Variants in STAU1 observed in about 807,000 individuals in gnomAD.
STAU1 encodes the protein double-stranded RNA-binding protein Staufen homolog 1.
In STAU1, 13 loss-of-function variants were observed where a neutral mutation model predicts 62.9. The observed-to-expected ratio is 0.21, with a 90% confidence interval of 0.13 to 0.33. The LOEUF is 0.33. Ranked by LOEUF, STAU1 falls within the 10% of genes least tolerant of loss-of-function variation. The pLI is 1.00. For synonymous variants in STAU1, 269 were observed against 265.1 expected, an observed-to-expected ratio of 1.01 and a Z score of -0.14; for missense variants, 571 against 712.1, an observed-to-expected ratio of 0.80 and a Z score of 2.25.
At chr20:49,146,547 C>T (rs946531400) in intron 5 of STAU1, among the ~76,000 whole-genome samples, 6 of 151,744 alleles carry the variant, frequency 4.0e-5, no homozygotes, top group Admixed American at 6.6e-5. Flanking sequence ...ACAAAAAATA[C>T]AAAAATTAAC....
intron 3 of STAU1, among the ~76,000 whole-genome samples, chr20:49,160,940 G>A (rs2146332615): frequency 1.3e-5 from 2 of 152,264 alleles, no homozygotes; most frequent in South Asian, 4.1e-4. Flanking sequence ...CCCAAAGCTG[G>A]AAAACTTACG....
the STAU1 span, among the ~76,000 whole-genome samples, chr20:49,212,148 C>T: frequency 2.0e-5 from 3 of 152,168 alleles, no homozygotes; most frequent in East Asian, 5.8e-4. Context: ...TACCACCATG[C>T]CTGGCTAATT....
At chr20:49,156,315 T>C (rs922531395) in intron 3 of STAU1, among the ~76,000 whole-genome samples, 1 of 152,206 alleles carries the variant, frequency 6.6e-6, no homozygotes, top group African/African-American at 2.4e-5. Flanking sequence ...CCTTTCCAGA[T>C]TGTCAGGCGT....
intron 5 of STAU1, among the ~76,000 whole-genome samples, chr20:49,142,630 A>G (rs906718995): frequency 2.0e-5 from 3 of 152,150 alleles, no homozygotes; most frequent in African/African-American, 7.2e-5. Flanking sequence ...TGGCCTGGAT[A>G]GCAGTTTTAT....
chr20:49,157,566 G>A (rs1330078421), intron 3 of STAU1, among the ~76,000 whole-genome samples: 7 of 151,578 alleles, frequency 4.6e-5, no homozygotes, highest in Non-Finnish European at 1.0e-4. Context: ...TGCAACCTCC[G>A]CCTCCCAGGT....
At chr20:49,119,768 A>C (rs1400978667) in intron 9 of STAU1, among the ~76,000 whole-genome samples, 1 of 152,146 alleles carries the variant, frequency 6.6e-6, no homozygotes, top group African/African-American at 2.4e-5. Context: ...ATACTGACAC[A>C]ATCAACGATC....
chr20:49,204,178 C>T, the STAU1 span, among the ~76,000 whole-genome samples: 6 of 151,352 alleles, frequency 4.0e-5, no homozygotes, highest in South Asian at 4.2e-4. Context: ...AGCTGGAGTG[C>T]GGTGGCATGA....
At chr20:49,133,803 T>C (rs192057054) in intron 6 of STAU1, among the ~76,000 whole-genome samples, 1 of 152,248 alleles carries the variant, frequency 6.6e-6, no homozygotes, top group Admixed American at 6.5e-5. Context: ...CAAGCCCTCG[T>C]ACCCAGGTGG....
chr20:49,122,156 A>G (rs1442060068), intron 8 of STAU1, among the ~76,000 whole-genome samples: 1 of 152,232 alleles, frequency 6.6e-6, no homozygotes, highest in African/African-American at 2.4e-5. Context: ...AAGCACTTAA[A>G]TTCAAATCAC....
intron 3 of STAU1, among the ~76,000 whole-genome samples, chr20:49,163,009 T>C (rs1044110353): frequency 5.4e-4 from 82 of 151,330 alleles, no homozygotes; most frequent in African/African-American, 1.9e-3. Context: ...CTGGCCAACA[T>C]GGTGAAACCC....
chr20:49,114,472 G>A lies in STAU1; in HGVS notation c.*406C>T, dbSNP rs538845281. The A allele has an allele frequency of 4.2e-4, 76 of 181,882 alleles. 1 individual carries two copies. Among genetic ancestry groups the A allele is most frequent in the Non-Finnish European group, 1.9e-4 (16 of 86,304 alleles). The allele number at this position is 181,882 out of a possible 1,614,324, so 11.3% of individuals were successfully genotyped here. ...GGCCTCTCTCTGGCATGGCTGTCCA[G>A]GGTTTGTCCCAATGTGTCTGAGTGA... is the stretch of plus-strand genomic sequence containing the variant. On this transcript the variant is annotated 3_prime_UTR_variant, in exon 14 of 14. Transcript: ENST00000371856.
At chr20:49,125,198 C>CAAAAAAAAAAAAAAAAAAAAAAA (rs1171534142) in intron 6 of STAU1, among the ~76,000 whole-genome samples, 4 of 33,718 alleles carry the variant, frequency 1.2e-4, no homozygotes, top group African/African-American at 1.8e-4. Flanking sequence ...CTCATTTTTG[C>CAAAAAAAAAAAAAAAAAAAAAAA]AAAAAAAAAA....
At chr20:49,177,751 G>T (rs961912762) in intron 1 of STAU1, among the ~76,000 whole-genome samples, 2 of 152,142 alleles carry the variant, frequency 1.3e-5, no homozygotes, top group Non-Finnish European at 2.9e-5. Context: ...AGCTGTTAGA[G>T]TCAGACATAA....
At chr20:49,162,877 T>TA (rs2093470514) in intron 3 of STAU1, among the ~76,000 whole-genome samples, 1 of 151,566 alleles carries the variant, frequency 6.6e-6, no homozygotes, top group African/African-American at 2.4e-5. Flanking sequence ...GACTTTGTTA[T>TA]AAGGTAACTC....
chr20:49,171,796 A>C (rs2093600801), intron 2 of STAU1, among the ~76,000 whole-genome samples: 1 of 152,098 alleles, frequency 6.6e-6, no homozygotes, highest in Non-Finnish European at 1.5e-5. Flanking sequence ...GTCTTATAGG[A>C]TCATTTCCAA....
Position 49,120,121 on chromosome 20 carries a change from A to G in STAU1, c.974T>C (p.Val325Ala), listed in dbSNP as rs765409409. 3 of 1,613,152 alleles carry G rather than the reference A, an allele frequency of 1.9e-6. No individual in the cohort carries two copies. The highest frequency in any genetic ancestry group is 2.2e-5 in the East Asian group (1 of 44,850). Residue 325 changes from valine to alanine, a missense_variant, in exon 9 of 14, where the codon GTT (valine) becomes GCT (alanine). Val to Ala is a moderately conservative substitution (Grantham distance 64, BLOSUM62 0). Coordinates refer to ENST00000371856, the MANE Select transcript of STAU1 (RefSeq NM_017453.4). ...RRREFVMQVK[V>A]GNHTAEGTGT... ...CGTTCCTTCTGCAGTGTGGTTTCCA[A>G]CCTTCACCTGCACAAAGAAGTCAAA... is the stretch of plus-strand genomic sequence containing the variant.
chr20:49,192,431 A>G (rs1312230985), upstream of STAU1, among the ~76,000 whole-genome samples: 2 of 152,132 alleles, frequency 1.3e-5, no homozygotes, highest in Non-Finnish European at 2.9e-5. Context: ...AAAAATACCT[A>G]GAAATAAACT....
chr20:49,144,181 G>GAC (rs2093070958), intron 5 of STAU1, among the ~76,000 whole-genome samples: 1 of 152,158 alleles, frequency 6.6e-6, no homozygotes, highest in East Asian at 1.9e-4. Flanking sequence ...ATCACCTTTG[G>GAC]ACACACACCT....
chr20:49,199,224 C>A, the STAU1 span, among the ~76,000 whole-genome samples: 4 of 151,916 alleles, frequency 2.6e-5, no homozygotes, highest in Non-Finnish European at 5.9e-5. Context: ...TGCATACCAT[C>A]ACGCCTGGCT....
Sources: allele counts gnomAD v4.1 joint callset (sites outside exome capture counted in the v4.1 genomes callset), GRCh38; gene constraint gnomAD v4.1.1; transcripts MANE v1.5; gene names NCBI Gene and HGNC (gene_info 2026-07-23, HGNC 2026-07-21).